Variants in LPXN observed in about 807,000 individuals in gnomAD.
LPXN encodes the protein leupaxin.
LPXN carries 28 observed loss-of-function variants against 45.6 expected under a neutral mutation model. The ratio of observed to expected loss-of-function variants is 0.61; its 90% confidence interval spans 0.45 to 0.84. LPXN has a LOEUF of 0.84. LPXN is among the 40% of genes least tolerant of loss of function. The pLI is 0.00. For synonymous variants in LPXN, 166 were observed against 169.9 expected (o/e 0.98, Z 0.18); for missense variants, 459 against 475.0 (o/e 0.97, Z 0.31).
chr11:58,536,829 C>T (rs1258854167), intron 7 of LPXN, among the ~76,000 whole-genome samples: 1 of 151,416 alleles, frequency 6.6e-6, no homozygotes, highest in Non-Finnish European at 1.5e-5. Flanking sequence ...AAAACAACCC[C>T]ATCAAAAAGT....
chr11:58,568,207 G>A (rs961495865), intron 2 of LPXN, among the ~76,000 whole-genome samples: 6 of 152,196 alleles, frequency 3.9e-5, no homozygotes, highest in African/African-American at 1.2e-4. Context: ...GCAGCACCCT[G>A]CATATAATTC....
upstream of LPXN, among the ~76,000 whole-genome samples, chr11:58,578,880 C>T (rs948448860): frequency 6.6e-5 from 10 of 151,236 alleles, no homozygotes; most frequent in Non-Finnish European, 1.3e-4. Context: ...TCGCGAGACA[C>T]AGCCGTTTAA....
intron 7 of LPXN, among the ~76,000 whole-genome samples, chr11:58,530,516 A>T (rs961676346): frequency 6.6e-6 from 1 of 152,212 alleles, no homozygotes; most frequent in Non-Finnish European, 1.5e-5. Context: ...TTTTCTGGGC[A>T]GGCCATCTCT....
chr11:58,578,279 A>G, upstream of LPXN: 1 of 456,040 alleles, frequency 2.2e-6, no homozygotes, highest in Non-Finnish European at 3.9e-6. Context: ...GGTAAACTCT[A>G]GACTGCGGAA....
intron 2 of LPXN, among the ~76,000 whole-genome samples, chr11:58,566,362 C>T (rs1854528098): frequency 6.6e-6 from 1 of 152,134 alleles, no homozygotes; most frequent in African/African-American, 2.4e-5. Flanking sequence ...GTAAATATTT[C>T]AGGCCAATAT....
rs1289935953 is a variant in LPXN, at chr11:58,554,930, C to T, written c.229G>A (p.Glu77Lys). 2 of 1,613,358 alleles carry T rather than the reference C, an allele frequency of 1.2e-6. No individual in the cohort carries two copies. Among genetic ancestry groups the T allele is most frequent in the South Asian group, 2.2e-5 (2 of 91,050 alleles). ...GAAGGTGGTGGTGATTCCTTTGGCT[C>T]TTGGGCTTCACTATAGAGGGAAAAC... Reference protein sequence around the residue: ...QELNVYSEAQEPKESPPPSKT... With the variant: ...QELNVYSEAQKPKESPPPSKT... The change falls in exon 4 of 9, where the codon GAG becomes AAG. Residue 77 changes from glutamate (E) to lysine (K), a missense_variant. Transcript: ENST00000395074.
rs566056669 is a variant in LPXN at position 58,549,959 on chromosome 11, G to C, written c.660+14C>G. Reference sequence around the variant, plus strand: ...GAGTGACTGAAAGCTGGAGAGGAGCGGGGATTTACTTACATCCAGGATGGG... The same window carrying C: ...GAGTGACTGAAAGCTGGAGAGGAGCCGGGATTTACTTACATCCAGGATGGG... On this transcript the variant is annotated intron_variant, in intron 6 of 8. Coordinates refer to ENST00000395074, the MANE Select transcript of LPXN (RefSeq NM_004811.3). 3 of 1,614,030 alleles carry C rather than the reference G, an allele frequency of 1.9e-6. No individual in the cohort carries two copies. The highest frequency in any genetic ancestry group is 2.7e-5 in the African/African-American group (2 of 75,052).
At chr11:58,547,952 A>G (rs1386705493) in intron 7 of LPXN, among the ~76,000 whole-genome samples, 1 of 152,162 alleles carries the variant, frequency 6.6e-6, no homozygotes, top group Non-Finnish European at 1.5e-5. Context: ...CATAAAAAGG[A>G]GAAATTAAAA....
At chr11:58,566,181 T>C (rs1380288396) in intron 2 of LPXN, among the ~76,000 whole-genome samples, 1 of 152,204 alleles carries the variant, frequency 6.6e-6, no homozygotes, top group Non-Finnish European at 1.5e-5. Flanking sequence ...TTTATAAAAC[T>C]GCAATCTTTT....
At chr11:58,552,871 C>T (rs191779500) in intron 4 of LPXN, among the ~76,000 whole-genome samples, 228 of 152,288 alleles carry the variant, frequency 1.5e-3, no homozygotes, top group Admixed American at 3.1e-3. Context: ...TCTATCTCTT[C>T]ACTGTTATCT....
chr11:58,575,940 CTTTT>C (rs753299345), upstream of LPXN: 76 of 1,195,296 alleles, frequency 6.4e-5, no homozygotes, highest in Middle Eastern at 3.0e-4. Flanking sequence ...ATTTGGTGAG[CTTTT>C]TTTTTTTTTT....
At position 58,550,237 on chromosome 11, in the gene LPXN, G is replaced by A; in HGVS notation, c.487-91C>T. On this transcript the variant is annotated intron_variant, in intron 5 of 8. Transcript: ENST00000395074. ...AACTCTAGGGAGCACTCTTCACATTGTACCCCTTGTAGACAACACGCCCTG... is the reference window on the plus strand; with the variant it reads ...AACTCTAGGGAGCACTCTTCACATTATACCCCTTGTAGACAACACGCCCTG... 4 of 1,199,956 alleles carry A rather than the reference G, an allele frequency of 3.3e-6. No homozygotes were observed. The South Asian group carries it at 5.1e-5, about 15-fold the overall frequency. 74.3% of individuals were successfully genotyped at this position (1,199,956 alleles called of 1,614,324 possible). A position where few individuals can be genotyped will look rare whatever the true frequency, so the allele number is the denominator to read the frequency against.
chr11:58,528,291 C>A, intron 7 of LPXN, 100 bp from the exon 8 acceptor site: 1 of 1,061,748 alleles, frequency 9.4e-7, no homozygotes, highest in South Asian at 1.5e-5. Flanking sequence ...TCCTCATATT[C>A]AAAATAGGAT....
chr11:58,573,841 GGAGTCTCT>G (rs1211090367), intron 1 of LPXN, among the ~76,000 whole-genome samples: 2 of 152,094 alleles, frequency 1.3e-5, no homozygotes, highest in African/African-American at 4.8e-5. Flanking sequence ...AGGTCTCTTG[GGAGTCTCT>G]GAGGGTTGCA....
intron 4 of LPXN, among the ~76,000 whole-genome samples, chr11:58,552,609 T>C (rs1468452432): frequency 2.0e-5 from 3 of 152,228 alleles, no homozygotes; most frequent in African/African-American, 4.8e-5. Flanking sequence ...TCTGTTACTG[T>C]CTGCCTTAAG....
chr11:58,578,045 A>G (rs1278680014), upstream of LPXN: 1 of 1,550,946 alleles, frequency 6.4e-7, no homozygotes, highest in Non-Finnish European at 8.7e-7. Flanking sequence ...TAATGTAGAC[A>G]TGAACGCTGG....
At chr11:58,560,991 ATT>A (rs1854356642) in intron 3 of LPXN, among the ~76,000 whole-genome samples, 1 of 152,226 alleles carries the variant, frequency 6.6e-6, no homozygotes, top group Admixed American at 6.5e-5. Flanking sequence ...TAAGAGTTAA[ATT>A]TTAAGAAGGG....
intron 7 of LPXN, among the ~76,000 whole-genome samples, chr11:58,537,909 C>T (rs1853599855): frequency 7.1e-6 from 1 of 140,532 alleles, no homozygotes; most frequent in African/African-American, 2.6e-5. Context: ...TCTCCTAAAG[C>T]TATCCCTCCC....
At chr11:58,546,220 A>G (rs1409141842) in intron 7 of LPXN, among the ~76,000 whole-genome samples, 3 of 152,212 alleles carry the variant, frequency 2.0e-5, no homozygotes, top group Non-Finnish European at 2.9e-5. Flanking sequence ...AGAGGCCAAT[A>G]AAAATCAAGC....
Sources: gnomAD v4.1 joint callset for allele counts (sites outside exome capture counted in the v4.1 genomes callset) on GRCh38, gnomAD v4.1.1 for gene constraint, MANE v1.5 for transcripts, NCBI Gene and HGNC (gene_info 2026-07-23, HGNC 2026-07-21) for gene names.